The following BPTF variants were observed in gnomAD, a reference collection of about 807,000 sequenced individuals.
The protein encoded by BPTF is bromodomain PHD finger transcription factor, also known as nucleosome-remodeling factor subunit BPTF.
In BPTF, 18 loss-of-function variants were observed where a neutral mutation model predicts 292.5. The ratio of observed to expected loss-of-function variants is 0.06; its 90% CI spans 0.04 to 0.09. The LOEUF is 0.09. Ranked by LOEUF, BPTF falls within the 10% of genes least tolerant of loss-of-function variation. The probability of loss-of-function intolerance (pLI) is 1.00; values close to 1 mark genes in which losing one functional copy is unlikely to be tolerated. For synonymous variants in BPTF, 1,225 were observed against 1,251.9 expected (o/e 0.98, Z 0.45); for missense variants, 2,726 against 3,498.7 (o/e 0.78, Z 5.57).
At chr17:67,848,108 A>T (rs1246619021) in intron 1 of BPTF, among the ~76,000 whole-genome samples, 1 of 152,148 alleles carries the variant, frequency 6.6e-6, no homozygotes, top group African/African-American at 2.4e-5. Flanking sequence ...TTTTCCTTCT[A>T]GAAACACACA....
chr17:67,892,409 T>A (rs1298118463), intron 5 of BPTF, among the ~76,000 whole-genome samples: 2 of 152,250 alleles, frequency 1.3e-5, no homozygotes, highest in African/African-American at 4.8e-5. Flanking sequence ...CTAGCTATGA[T>A]CACTTCAGGT....
rs2061148967 is a variant in BPTF at position 67,892,044 on chromosome 17, TTC to T, written c.2055+12_2055+13del. The T allele has an allele frequency of 6.5e-7, 1 of 1,531,498 alleles. No individual in the cohort carries two copies. Among genetic ancestry groups the T allele is most frequent in the African/African-American group, 1.4e-5 (1 of 71,076 alleles). The allele number at this position is 1,531,498 out of a possible 1,614,324, so 94.9% of individuals were successfully genotyped here. A position where few individuals can be genotyped will look rare whatever the true frequency, so the allele number is the denominator to read the frequency against. ...TAAGGAGGGCAAAGAGGTGTGTTCT[TTC>T]TGTTTAAAACAAAAATCTGTGGAAT... On this transcript the variant is annotated intron_variant, in intron 5 of 27. Transcript: ENST00000306378.
intron 15 of BPTF, among the ~76,000 whole-genome samples, chr17:67,926,316 CTTTTTTTTTTTT>C (rs869295387): frequency 1.6e-4 from 13 of 83,856 alleles, no homozygotes; most frequent in African/African-American, 5.0e-4. Context: ...TAATATACTA[CTTTTTTTTTTTT>C]TTTTTTTTTT....
chr17:67,909,125 G>T (rs150691668), intron 9 of BPTF, among the ~76,000 whole-genome samples: 5 of 151,524 alleles, frequency 3.3e-5, no homozygotes, highest in African/African-American at 7.3e-5. Flanking sequence ...ATGAGCCACC[G>T]CACCAGCCTA....
chr17:67,852,274 T>C (rs542358722), intron 1 of BPTF, among the ~76,000 whole-genome samples: 30 of 152,240 alleles, frequency 2.0e-4, no homozygotes, highest in African/African-American at 7.2e-4. Context: ...TAGATACCTG[T>C]CCAATTTTTT....
chr17:67,832,282 A>G (rs2056761471), intron 1 of BPTF, among the ~76,000 whole-genome samples: 2 of 152,074 alleles, frequency 1.3e-5, no homozygotes, highest in African/African-American at 4.8e-5. Flanking sequence ...TTATACATTA[A>G]AATGCACTTT....
chr17:67,905,208 T>C (rs991192961), intron 9 of BPTF, among the ~76,000 whole-genome samples: 1 of 151,154 alleles, frequency 6.6e-6, no homozygotes, highest in African/African-American at 2.4e-5. Flanking sequence ...TCAGGAGTTC[T>C]AGACTACCTG....
chr17:67,921,209 CAAAAAAAAAAAAAAAAA>C, intron 13 of BPTF, among the ~76,000 whole-genome samples: 1 of 49,240 alleles, frequency 2.0e-5, no homozygotes, highest in Admixed American at 2.8e-4. Context: ...GAATCCGTGT[CAAAAAAAAAAAAAAAAA>C]AAAAAAAAAG....
chr17:67,825,789 C>G lies in BPTF; in HGVS notation c.65C>G (p.Pro22Arg). Residue 22 changes from proline (P) to arginine (R), a missense_variant, in exon 1 of 28, where the codon CCG becomes CGG. Physicochemically the swap from Pro to Arg is moderately radical, Grantham distance 103. Transcript: ENST00000306378. Reference protein sequence around the residue: ...PAAPAAERCAPAPPPPPPPPT... With the variant: ...PAAPAAERCARAPPPPPPPPT... The stretch of plus-strand genomic sequence containing the variant: ...GCTCCCGCTGCGGAGCGCTGCGCCC[C>G]GGCCCCGCCGCCACCGCCGCCGCCG... 13 of 1,037,266 alleles carry G rather than the reference C, an allele frequency of 1.3e-5. No homozygotes were observed. The highest frequency in any genetic ancestry group is 1.4e-5 in the Non-Finnish European group (12 of 865,594). 64.3% of individuals were successfully genotyped at this position (1,037,266 alleles called of 1,614,324 possible). A position where few individuals can be genotyped will look rare whatever the true frequency, so the allele number is the denominator to read the frequency against.
At chr17:67,944,493 A>T in intron 20 of BPTF, 121 bp downstream of exon 20, 2 of 1,063,528 alleles carry the variant, frequency 1.9e-6, no homozygotes. Flanking sequence ...CAGTGACCTC[A>T]ACAGTTGACA....
At chr17:67,927,044 A>AG (rs2063975532) in intron 15 of BPTF, among the ~76,000 whole-genome samples, 1 of 152,182 alleles carries the variant, frequency 6.6e-6, no homozygotes, top group Admixed American at 6.5e-5. Flanking sequence ...TATATAGGAT[A>AG]GGTACAAAAG....
intron 2 of BPTF, among the ~76,000 whole-genome samples, chr17:67,862,272 G>A (rs947469206): frequency 2.6e-5 from 4 of 152,136 alleles, no homozygotes; most frequent in Admixed American, 2.0e-4. Context: ...CATCGTGCCC[G>A]GCCTAGTTAC....
chr17:67,846,819 GCTT>G (rs2058061921), intron 1 of BPTF, among the ~76,000 whole-genome samples: 1 of 152,148 alleles, frequency 6.6e-6, no homozygotes. Flanking sequence ...TAGTGCCTCA[GCTT>G]CTGGAGTAGC....
At position 67,826,179 on chromosome 17, in the gene BPTF, C is replaced by G. The variant is rs143770213; in HGVS notation, c.455C>G (p.Ala152Gly). 1.4e-5 allele frequency: 23 copies of G among 1,600,802 alleles called. No individual in the cohort carries two copies. In the African/African-American group the frequency reaches 2.3e-4, roughly 16 times the overall value. Reference sequence around the variant, plus strand: ...GAGGAGGAGGAGGAGGACGGCGACGCCGAGGAGACCCAGGATTCTGAGGAC... The same window carrying G: ...GAGGAGGAGGAGGAGGACGGCGACGGCGAGGAGACCCAGGATTCTGAGGAC... ...SEEEEEEDGD[A>G]EETQDSEDDE... Residue 152 changes from alanine to glycine, a missense_variant, in exon 1 of 28, where the codon GCC (alanine) becomes GGC (glycine). Physicochemically the swap from Ala to Gly is moderately conservative, Grantham distance 60. Coordinates refer to ENST00000306378, the MANE Select transcript of BPTF (RefSeq NM_182641.4).
chr17:67,932,401 T>G (rs2064477511), intron 18 of BPTF, among the ~76,000 whole-genome samples: 1 of 152,194 alleles, frequency 6.6e-6, no homozygotes, highest in East Asian at 1.9e-4. Context: ...AAACTACCAT[T>G]TTAAAAGTTG....
rs781098116 is a variant in BPTF, at chr17:67,909,571, G to A, written c.2813-11G>A. On this transcript the variant is annotated splice_polypyrimidine_tract_variant and intron_variant, in intron 9 of 27. Coordinates refer to ENST00000306378, the MANE Select transcript of BPTF (RefSeq NM_182641.4). ...AAATAACGTAAATTATCGTTACATGGTTCTTTTTAGCCAAAAATAATATGG... is the reference window on the plus strand; with the variant it reads ...AAATAACGTAAATTATCGTTACATGATTCTTTTTAGCCAAAAATAATATGG... 12 of 1,516,042 alleles carry A rather than the reference G, an allele frequency of 7.9e-6. No homozygotes were observed. The South Asian group carries it at 1.6e-4, about 21-fold the overall frequency. 93.9% of individuals were successfully genotyped at this position (1,516,042 alleles called of 1,614,324 possible).
Position 67,825,939 on chromosome 17 carries a change from G to A in BPTF, c.215G>A (p.Ser72Asn), listed in dbSNP as rs1467061991. The A allele has an allele frequency of 9.9e-7, 1 of 1,014,286 alleles. No individual in the cohort carries two copies. Among genetic ancestry groups the A allele is most frequent in the Middle Eastern group, 4.8e-4 (1 of 2,068 alleles). 62.8% of individuals were successfully genotyped at this position (1,014,286 alleles called of 1,614,324 possible). A position where few individuals can be genotyped will look rare whatever the true frequency, so the allele number is the denominator to read the frequency against. Residue 72 changes from serine to asparagine, a missense_variant, in exon 1 of 28, where the codon AGT becomes AAT. Physicochemically the swap from Ser to Asn is conservative, Grantham distance 46. Coordinates refer to ENST00000306378, the MANE Select transcript of BPTF (RefSeq NM_182641.4). The stretch of plus-strand genomic sequence containing the variant: ...CTGAGCTCGCCCAGGGGGGGCAGCA[G>A]TAGCCGGAGGAAGCCGCCGCCGCCG... ...TRLSSPRGGSSSRRKPPPPPP... is the reference protein window; with the variant it reads ...TRLSSPRGGSNSRRKPPPPPP...
intron 22 of BPTF, 89 bp from the exon 23 acceptor site, chr17:67,947,992 G>C: frequency 7.3e-7 from 1 of 1,371,568 alleles, no homozygotes; most frequent in Non-Finnish European, 1.0e-6. Context: ...GAAAGTTTTT[G>C]TCTCATCTGT....
chr17:67,946,218 G>C lies in BPTF; in HGVS notation c.7510G>C (p.Val2504Leu). The change falls in exon 21 of 28, where the codon GTT becomes CTT. Residue 2504 changes from valine (V) to leucine (L), a missense_variant. Transcript: ENST00000306378. Reference sequence around the variant, plus strand: ...CAGTGTGCAAGAGCAGTTGCAAAGGGTTCAGCAACTCAGGGATCAGCAGCA... The same window carrying C: ...CAGTGTGCAAGAGCAGTTGCAAAGGCTTCAGCAACTCAGGGATCAGCAGCA... ...AASVQEQLQR[V>L]QQLRDQQQKK... 1 of 1,614,198 alleles carries C rather than the reference G, an allele frequency of 6.2e-7. No homozygotes were observed.
Sources: allele counts gnomAD v4.1 joint callset (sites outside exome capture counted in the v4.1 genomes callset), GRCh38; gene constraint gnomAD v4.1.1; transcripts MANE v1.5; gene names NCBI Gene and HGNC (gene_info 2026-07-23, HGNC 2026-07-21).